The following CORO2B variants were observed in gnomAD, a reference collection of about 807,000 sequenced individuals.
CORO2B encodes coronin-2B.
Under a neutral mutation model 58.8 loss-of-function variants are expected in CORO2B, and 26 were observed. That is an observed-to-expected ratio of 0.44 (90% CI 0.32 to 0.61). CORO2B has a LOEUF of 0.61. Among genes scored for constraint, CORO2B ranks in the 20% least tolerant of loss-of-function variants. CORO2B has a pLI of 0.04. For missense variants in CORO2B, 460 were observed against 645.1 expected (o/e 0.71, Z 3.11); for synonymous variants, 242 against 253.8 (o/e 0.95, Z 0.44).
the CORO2B span, among the ~76,000 whole-genome samples, chr15:68,537,588 C>A: frequency 6.6e-6 from 1 of 152,052 alleles, no homozygotes; most frequent in Non-Finnish European, 1.5e-5. Context: ...CCTGTCAACC[C>A]GTCACCTAGG....
intron 11 of CORO2B, among the ~76,000 whole-genome samples, chr15:68,722,107 T>C (rs1363926701): frequency 2.6e-5 from 4 of 152,216 alleles, no homozygotes; most frequent in East Asian, 1.9e-4. Context: ...ACAGGGGTCA[T>C]TGTGATAGCC....
chr15:68,699,689 A>G (rs1018168354), intron 3 of CORO2B, among the ~76,000 whole-genome samples: 4 of 152,142 alleles, frequency 2.6e-5, no homozygotes, highest in Admixed American at 2.0e-4. Flanking sequence ...AGTGGAACCA[A>G]CAGGTTCCTG....
At position 68,593,209 on chromosome 15, in the gene CORO2B, T is replaced by C. The variant is rs572768329; in HGVS notation, c.15+13932T>C. On this transcript the variant is annotated intron_variant, in intron 1 of 11. Coordinates refer to ENST00000261861, the MANE Select transcript of CORO2B (RefSeq NM_006091.5). ...GCCCCATCTCTTAATACTGTTACATTGGCAATTAAATTTCAACATGAGTTT... is the reference window on the plus strand; with the variant it reads ...GCCCCATCTCTTAATACTGTTACATCGGCAATTAAATTTCAACATGAGTTT... 1.4e-4 allele frequency among the ~76,000 whole-genome samples: 22 copies of C among 152,356 alleles called. No individual in the cohort carries two copies. In the South Asian group the frequency reaches 3.9e-3, roughly 27 times the overall value.
At chr15:68,571,024 C>T in the CORO2B span, among the ~76,000 whole-genome samples, 2 of 151,910 alleles carry the variant, frequency 1.3e-5, no homozygotes, top group Non-Finnish European at 2.9e-5. Context: ...GAAGAAAGTG[C>T]GAAGGAAACA....
chr15:68,669,156 A>AAAAG (rs754814558), intron 2 of CORO2B, among the ~76,000 whole-genome samples: 2 of 151,140 alleles, frequency 1.3e-5, no homozygotes, highest in African/African-American at 4.9e-5. Flanking sequence ...AAAGAAAAAG[A>AAAAG]AAAGAAAGAA....
chr15:68,525,923 T>TA, the CORO2B span, among the ~76,000 whole-genome samples: 1 of 152,234 alleles, frequency 6.6e-6, no homozygotes, highest in Admixed American at 6.5e-5. Context: ...CAATCACTCT[T>TA]ACAACCAGCT....
chr15:68,680,054 C>G (rs1425851135), intron 2 of CORO2B, among the ~76,000 whole-genome samples: 1 of 151,584 alleles, frequency 6.6e-6, no homozygotes, highest in Admixed American at 6.6e-5. Flanking sequence ...GGGCACTGGG[C>G]CCCCGCAGAG....
intron 1 of CORO2B, among the ~76,000 whole-genome samples, chr15:68,588,916 C>T (rs990379926): frequency 1.3e-5 from 2 of 152,136 alleles, no homozygotes; most frequent in African/African-American, 4.8e-5. Context: ...TGCAAAAATG[C>T]ATGGGGAAAT....
chr15:68,538,226 C>T, the CORO2B span, among the ~76,000 whole-genome samples: 2 of 152,160 alleles, frequency 1.3e-5, no homozygotes, highest in African/African-American at 4.8e-5. Context: ...CTCTGCCTCC[C>T]CTGAGATTCC....
At chr15:68,563,684 G>T in the CORO2B span, among the ~76,000 whole-genome samples, 597 of 152,112 alleles carry the variant, frequency 3.9e-3, 3 homozygotes, top group African/African-American at 0.014. Context: ...TATCACTAAT[G>T]TCAGAAATGA....
At chr15:68,685,256 G>A (rs1417041183) in intron 2 of CORO2B, among the ~76,000 whole-genome samples, 22 of 152,186 alleles carry the variant, frequency 1.4e-4, no homozygotes, top group Admixed American at 1.4e-3. Flanking sequence ...TGTTGCCCAG[G>A]CTGGAGTGCA....
At chr15:68,707,746 G>A (rs1045115660) in intron 3 of CORO2B, among the ~76,000 whole-genome samples, 1 of 152,160 alleles carries the variant, frequency 6.6e-6, no homozygotes, top group Admixed American at 6.5e-5. Context: ...CCAGCTTCAG[G>A]GTCACCTTTC....
At position 68,611,374 on chromosome 15, in the gene CORO2B, G is replaced by C. The variant is rs147942426; in HGVS notation, c.15+32097G>C. On this transcript the variant is annotated intron_variant, in intron 1 of 11. Transcript: ENST00000261861. ...CCCAAGGTACCACCCTTTGCATTGG[G>C]TGTTTTCCTTTCACTTGTTTGTTTG... 3.2e-3 allele frequency among the ~76,000 whole-genome samples: 490 copies of C among 152,236 alleles called. 2 individuals are homozygous for C. The highest frequency in any genetic ancestry group is 0.012 in the African/African-American group (478 of 41,544).
At chr15:68,559,753 A>G in the CORO2B span, 8 of 491,202 alleles carry the variant, frequency 1.6e-5, no homozygotes, top group South Asian at 6.9e-4. The surrounding 1 kb of genome is among the most constrained non-coding windows in gnomAD (Gnocchi z 4.3). Context: ...AGACCGCTCC[A>G]CGTGCAGCTC....
At chr15:68,585,702 A>G (rs1405464844) in intron 1 of CORO2B, among the ~76,000 whole-genome samples, 1 of 152,158 alleles carries the variant, frequency 6.6e-6, no homozygotes, top group Non-Finnish European at 1.5e-5. Flanking sequence ...CCTGCCACTG[A>G]GGATGTGCAG....
chr15:68,687,247 C>T (rs776589026), intron 2 of CORO2B, among the ~76,000 whole-genome samples: 2 of 152,198 alleles, frequency 1.3e-5, no homozygotes, highest in Non-Finnish European at 2.9e-5. Flanking sequence ...GTGCCGGAAC[C>T]GGGTGTGGAA....
At chr15:68,583,863 C>T (rs1410915053) in intron 1 of CORO2B, among the ~76,000 whole-genome samples, 1 of 152,222 alleles carries the variant, frequency 6.6e-6, no homozygotes, top group Non-Finnish European at 1.5e-5. Context: ...AGACCCAGCT[C>T]CCGGGTGGGA....
At chr15:68,553,442 GC>G in the CORO2B span, among the ~76,000 whole-genome samples, 1 of 152,148 alleles carries the variant, frequency 6.6e-6, no homozygotes, top group Non-Finnish European at 1.5e-5. Flanking sequence ...ACAAGGAAGG[GC>G]CCAGAGCAAG....
Position 68,579,261 on chromosome 15 carries a change from G to T in CORO2B, c.-2G>T. The T allele has an allele frequency of 1.6e-6, 2 of 1,262,842 alleles. No individual in the cohort carries two copies. The highest frequency in any genetic ancestry group is 1.0e-6 in the Non-Finnish European group (1 of 998,516). 78.2% of individuals were successfully genotyped at this position (1,262,842 alleles called of 1,614,324 possible). ...GCCCCCGCTCCGCCGCGGAGTTTCT[G>T]CATGACTGTCACAAAGGTAAGCGCC... On this transcript the variant is annotated 5_prime_UTR_variant, in exon 1 of 12. Coordinates refer to ENST00000261861, the MANE Select transcript of CORO2B (RefSeq NM_006091.5).
Sources: allele counts gnomAD v4.1 joint callset (sites outside exome capture counted in the v4.1 genomes callset), GRCh38; gene constraint gnomAD v4.1.1; non-coding constraint Gnocchi (gnomAD v3.1); transcripts MANE v1.5; gene names NCBI Gene and HGNC (gene_info 2026-07-23, HGNC 2026-07-21).